SLC39A11: variants seen among roughly 807,000 people sequenced by gnomAD.
SLC39A11 encodes zinc transporter ZIP11.
A neutral mutation model predicts 36.1 loss-of-function variants in SLC39A11; 33 were observed. That is an observed-to-expected ratio of 0.91 (90% CI 0.69 to 1.22). SLC39A11 has a LOEUF of 1.22. Ranked by LOEUF, SLC39A11 falls within the 50% of genes most tolerant of loss-of-function variation. The pLI is 0.00. For synonymous variants in SLC39A11, 166 were observed against 170.3 expected, an observed-to-expected ratio of 0.97 and a Z score of 0.20; for missense variants, 432 against 430.3, an observed-to-expected ratio of 1.00 and a Z score of -0.03.
chr17:72,961,079 A>C (rs1254047639), intron 4 of SLC39A11, among the ~76,000 whole-genome samples: 1 of 152,244 alleles, frequency 6.6e-6, no homozygotes, highest in Non-Finnish European at 1.5e-5. Context: ...AGCCTAAGAC[A>C]GTCACAAGCC....
chr17:73,036,201 T>C (rs1031045539), intron 3 of SLC39A11, among the ~76,000 whole-genome samples: 16 of 152,232 alleles, frequency 1.1e-4, no homozygotes, highest in Admixed American at 2.6e-4. Context: ...ACAACAGCAA[T>C]AGAAAATTAA....
chr17:72,888,013 A>T (rs1410154594), intron 5 of SLC39A11, among the ~76,000 whole-genome samples: 1 of 152,330 alleles, frequency 6.6e-6, no homozygotes, highest in East Asian at 1.9e-4. Context: ...CTCACACTCA[A>T]GTCATTATTT....
At position 72,912,436 on chromosome 17, in the gene SLC39A11, T is replaced by C. The variant is rs183531468; in HGVS notation, c.430+35316A>G. Among the ~76,000 whole-genome samples the C allele has an allele frequency of 6.2e-3, 931 of 150,756 alleles. 9 individuals are homozygous for C. Among genetic ancestry groups the C allele is most frequent in the African/African-American group, 0.021 (872 of 41,230 alleles). ...ATTTACATTCTTAGGACAATATCTTTTTTTTTTTTTTTTAAGTGATGGGGG... is the reference window on the plus strand; with the variant it reads ...ATTTACATTCTTAGGACAATATCTTCTTTTTTTTTTTTTAAGTGATGGGGG... On this transcript the variant is annotated intron_variant, in intron 5 of 9. Coordinates refer to ENST00000255559, the MANE Select transcript of SLC39A11 (RefSeq NM_139177.4).
chr17:72,763,296 T>C lies in SLC39A11; in HGVS notation c.602-26577A>G, dbSNP rs574953941. ...CACAGTTAAATATTAGGTTAAACCA[T>C]ACAAAATTGCTGCTATTTAACAATG... is the stretch of plus-strand genomic sequence containing the variant. On this transcript the variant is annotated intron_variant, in intron 6 of 9. Coordinates refer to ENST00000255559, the MANE Select transcript of SLC39A11 (RefSeq NM_139177.4). Among the ~76,000 whole-genome samples the C allele has an allele frequency of 6.6e-5, 10 of 152,306 alleles. No individual in the cohort carries two copies. The South Asian group carries it at 1.7e-3, about 25-fold the overall frequency.
intron 3 of SLC39A11, among the ~76,000 whole-genome samples, chr17:73,037,341 G>A (rs1368923348): frequency 6.6e-6 from 1 of 152,186 alleles, no homozygotes; most frequent in African/African-American, 2.4e-5. Context: ...CATCAGCAAT[G>A]CTCCTTTATA....
intron 5 of SLC39A11, among the ~76,000 whole-genome samples, chr17:72,922,525 GAAGA>G (rs2083734561): frequency 6.6e-6 from 1 of 152,224 alleles, no homozygotes; most frequent in Non-Finnish European, 1.5e-5. Flanking sequence ...TACAGGGTGA[GAAGA>G]AAGAGGCCTC....
At chr17:72,955,670 C>A (rs1182005605) in intron 4 of SLC39A11, among the ~76,000 whole-genome samples, 1 of 151,940 alleles carries the variant, frequency 6.6e-6, no homozygotes, top group South Asian at 2.1e-4. Flanking sequence ...CTGTGTCTCG[C>A]GGCCCTACTG....
chr17:72,960,183 A>T (rs1348711401), intron 4 of SLC39A11, among the ~76,000 whole-genome samples: 2 of 152,216 alleles, frequency 1.3e-5, no homozygotes, highest in Non-Finnish European at 2.9e-5. Flanking sequence ...ACACAGCAGC[A>T]TGGTCATATT....
At chr17:72,874,955 T>C (rs747053674) in intron 5 of SLC39A11, among the ~76,000 whole-genome samples, 14 of 152,080 alleles carry the variant, frequency 9.2e-5, no homozygotes, top group Non-Finnish European at 1.9e-4. Flanking sequence ...CTAAAGAATA[T>C]TACAGTGGCT....
Position 73,048,004 on chromosome 17 carries a change from T to A in SLC39A11, c.148-16290A>T, listed in dbSNP as rs1295052873. 3.1e-3 allele frequency among the ~76,000 whole-genome samples: 207 copies of A among 66,774 alleles called. 2 individuals carry two copies. Among genetic ancestry groups the A allele is most frequent in the African/African-American group, 5.2e-3 (98 of 18,740 alleles). 43.8% of individuals were successfully genotyped at this position (66,774 alleles called of 152,430 possible). A position where few individuals can be genotyped will look rare whatever the true frequency, so the allele number is the denominator to read the frequency against. ...AAAAAAAAAAAAATATATATATATA[T>A]ATATATATATATATATATATATCAT... On this transcript the variant is annotated intron_variant, in intron 3 of 9. Transcript: ENST00000255559.
intron 5 of SLC39A11, among the ~76,000 whole-genome samples, chr17:72,923,823 A>G (rs532807892): frequency 6.6e-6 from 1 of 152,300 alleles, no homozygotes; most frequent in South Asian, 2.1e-4. Flanking sequence ...ATTGCAAGAT[A>G]CAATGATTTC....
At chr17:72,998,586 C>T (rs746621141) in intron 4 of SLC39A11, among the ~76,000 whole-genome samples, 2 of 152,024 alleles carry the variant, frequency 1.3e-5, no homozygotes, top group Non-Finnish European at 2.9e-5. Flanking sequence ...AAAACAAAGA[C>T]GTGATAGGAA....
intron 5 of SLC39A11, among the ~76,000 whole-genome samples, chr17:72,936,381 G>A (rs550288098): frequency 1.8e-3 from 221 of 122,604 alleles, no homozygotes; most frequent in Non-Finnish European, 3.2e-3. Flanking sequence ...TATAACTACA[G>A]GTTATGGCAG....
chr17:72,829,349 C>CA (rs11388011), intron 6 of SLC39A11, among the ~76,000 whole-genome samples: 26,775 of 113,242 alleles, frequency 0.24, 3,152 homozygotes, highest in African/African-American at 0.4. Flanking sequence ...GCCTCTGTCT[C>CA]AAAAAAAAAA....
chr17:72,649,962 G>A (rs2069775020), intron 7 of SLC39A11, among the ~76,000 whole-genome samples: 1 of 152,238 alleles, frequency 6.6e-6, no homozygotes, highest in South Asian at 2.1e-4. Flanking sequence ...GAGTGACCCA[G>A]TGACCCAATA....
intron 6 of SLC39A11, among the ~76,000 whole-genome samples, chr17:72,829,298 C>T (rs1399856122): frequency 1.3e-5 from 2 of 151,348 alleles, no homozygotes; most frequent in African/African-American, 4.9e-5. Context: ...TTGCAGTGAG[C>T]CATGATTGCC....
chr17:72,879,203 A>G (rs1054496360), intron 5 of SLC39A11, among the ~76,000 whole-genome samples: 3 of 152,212 alleles, frequency 2.0e-5, no homozygotes, highest in Non-Finnish European at 4.4e-5. Flanking sequence ...TGGAGGCGTC[A>G]TGATTTAAGC....
chr17:73,050,611 G>A (rs1053546233), intron 3 of SLC39A11, among the ~76,000 whole-genome samples: 8 of 151,934 alleles, frequency 5.3e-5, no homozygotes, highest in East Asian at 1.9e-4. Flanking sequence ...CTGCAGGCAC[G>A]CACCACCACA....
intron 3 of SLC39A11, among the ~76,000 whole-genome samples, chr17:73,055,822 G>A (rs1210869160): frequency 1.3e-5 from 2 of 152,066 alleles, no homozygotes; most frequent in African/African-American, 2.4e-5. Flanking sequence ...GTTCAAATAA[G>A]GCAAAACACC....
Sources: gnomAD v4.1 joint callset for allele counts (sites outside exome capture counted in the v4.1 genomes callset) on GRCh38, gnomAD v4.1.1 for gene constraint, MANE v1.5 for transcripts, NCBI Gene and HGNC (gene_info 2026-07-23, HGNC 2026-07-21) for gene names.